The following FTO variants were observed in gnomAD, a reference collection of about 807,000 sequenced individuals.
FTO encodes FTO alpha-ketoglutarate dependent dioxygenase.
In FTO, 47 loss-of-function variants were observed where a neutral mutation model predicts 63.9. The observed-to-expected ratio is 0.74, with a 90% confidence interval of 0.58 to 0.94. FTO has a LOEUF of 0.94. Among genes scored for constraint, FTO ranks in the 40% least tolerant of loss-of-function variants. The probability of loss-of-function intolerance (pLI) is 0.00; values close to 1 mark genes in which losing one functional copy is unlikely to be tolerated. For missense variants in FTO, 562 were observed against 618.1 expected (o/e 0.91, Z 0.96); for synonymous variants, 207 against 224.4 (o/e 0.92, Z 0.69).
chr16:53,839,851 C>G (rs993166743), intron 3 of FTO, among the ~76,000 whole-genome samples: 4 of 151,112 alleles, frequency 2.6e-5, no homozygotes, highest in African/African-American at 9.7e-5. Context: ...TGTCACCAGG[C>G]TGGAGTGCAG....
chr16:53,731,273 G>A (rs776312298), intron 1 of FTO, among the ~76,000 whole-genome samples: 1 of 152,180 alleles, frequency 6.6e-6, no homozygotes, highest in Non-Finnish European at 1.5e-5. Flanking sequence ...GTAGGCTGTG[G>A]TTTAGTGATT....
intron 8 of FTO, among the ~76,000 whole-genome samples, chr16:54,079,981 A>G (rs2086101080): frequency 6.6e-6 from 1 of 152,174 alleles, no homozygotes; most frequent in Admixed American, 6.5e-5. Flanking sequence ...CTGAGCCACC[A>G]TTTTGTCTCC....
chr16:53,708,383 C>T (rs1262041824), intron 1 of FTO, among the ~76,000 whole-genome samples: 1 of 151,862 alleles, frequency 6.6e-6, no homozygotes, highest in Non-Finnish European at 1.5e-5. Flanking sequence ...AAAAAGAATT[C>T]CAGTGTCAGG....
rs182757177 is a variant in FTO, at chr16:53,842,397, A to G, written c.752-1758A>G. On this transcript the variant is annotated intron_variant, in intron 3 of 8. Coordinates refer to ENST00000471389, the MANE Select transcript of FTO (RefSeq NM_001080432.3). ...ATGACCAGTAAATAGTAAGTGCTCA[A>G]TAAATAATTATTAAATTAACTTTTA... Among the ~76,000 whole-genome samples, 493 of 152,356 alleles carry G rather than the reference A, an allele frequency of 3.2e-3. 1 individual carries two copies. Among genetic ancestry groups the G allele is most frequent in the Middle Eastern group, 0.02 (6 of 294 alleles).
chr16:53,910,885 A>G (rs1380965048), intron 7 of FTO, among the ~76,000 whole-genome samples: 1 of 152,196 alleles, frequency 6.6e-6, no homozygotes, highest in Non-Finnish European at 1.5e-5. Flanking sequence ...TCTGGATGAC[A>G]GAGCTGAGAG....
chr16:53,793,244 T>C (rs2077974809), intron 1 of FTO, among the ~76,000 whole-genome samples: 1 of 152,206 alleles, frequency 6.6e-6, no homozygotes, highest in Admixed American at 6.5e-5. Flanking sequence ...CCCAAAGTTT[T>C]ATTTCCGCAA....
At chr16:53,936,823 C>T (rs866775198) in intron 8 of FTO, among the ~76,000 whole-genome samples, 6 of 152,150 alleles carry the variant, frequency 3.9e-5, no homozygotes, top group Non-Finnish European at 8.8e-5. Flanking sequence ...ATGAATTGTA[C>T]AACTTCAAGA....
chr16:53,720,854 G>C (rs2076023912), intron 1 of FTO, among the ~76,000 whole-genome samples: 1 of 151,680 alleles, frequency 6.6e-6, no homozygotes, highest in African/African-American at 2.4e-5. Context: ...CAGTGGCACA[G>C]TCATAACTTA....
intron 1 of FTO, among the ~76,000 whole-genome samples, chr16:53,757,087 T>G (rs994971595): frequency 1.5e-4 from 20 of 131,124 alleles, no homozygotes; most frequent in Admixed American, 3.5e-4. Context: ...ACTGGACCTT[T>G]TTAAAAAAAT....
intron 8 of FTO, among the ~76,000 whole-genome samples, chr16:54,049,780 C>G (rs1183945195): frequency 6.6e-6 from 1 of 152,126 alleles, no homozygotes; most frequent in Non-Finnish European, 1.5e-5. Flanking sequence ...TCTGAGATGC[C>G]CATTCATGGG....
In FTO at chr16:53,826,972, G is replaced by T. The variant is rs772258391; in HGVS notation, c.751+481G>T. The stretch of plus-strand genomic sequence containing the variant: ...TTATGGTTGACATCACTATCTTGAT[G>T]GGTGTGATTTGTCAAATATGGACTT... On this transcript the variant is annotated intron_variant, in intron 3 of 8. Coordinates refer to ENST00000471389, the MANE Select transcript of FTO (RefSeq NM_001080432.3). 2.5e-4 allele frequency among the ~76,000 whole-genome samples: 38 copies of T among 152,174 alleles called. 1 individual carries two copies. Among genetic ancestry groups the T allele is most frequent in the Non-Finnish European group, 5.1e-4 (35 of 68,030 alleles).
At chr16:53,788,031 G>A (rs558096177) in intron 1 of FTO, among the ~76,000 whole-genome samples, 2 of 152,282 alleles carry the variant, frequency 1.3e-5, no homozygotes, top group Non-Finnish European at 2.9e-5. Context: ...GTTTAGAGTA[G>A]CAGGATTGGT....
chr16:53,917,709 AGTGTGT>A (rs35549801), intron 7 of FTO, among the ~76,000 whole-genome samples: 28 of 143,116 alleles, frequency 2.0e-4, no homozygotes, highest in East Asian at 1.0e-3. Flanking sequence ...AAATTGAGTG[AGTGTGT>A]GTGTGTGTGT....
intron 8 of FTO, among the ~76,000 whole-genome samples, chr16:54,042,148 G>A (rs529274064): frequency 2.6e-5 from 4 of 152,032 alleles, no homozygotes; most frequent in South Asian, 4.2e-4. Flanking sequence ...AGCTCCCAGC[G>A]TGAGTGACGC....
intron 3 of FTO, among the ~76,000 whole-genome samples, chr16:53,841,758 G>A (rs945914771): frequency 2.0e-4 from 31 of 152,154 alleles, no homozygotes; most frequent in Non-Finnish European, 1.5e-5. Context: ...TTGTTTATGT[G>A]ATATATACAT....
rs116079239 is a variant in FTO at position 53,787,747 on chromosome 16, G to T, written c.46-22393G>T. 7.1e-3 allele frequency among the ~76,000 whole-genome samples: 1,079 copies of T among 152,168 alleles called. 14 individuals are homozygous for T. The highest frequency in any genetic ancestry group is 0.025 in the African/African-American group (1,035 of 41,516). On this transcript the variant is annotated intron_variant, in intron 1 of 8. Coordinates refer to ENST00000471389, the MANE Select transcript of FTO (RefSeq NM_001080432.3). ...GTAGCATGTCCCTAGTAGACCAGGT[G>T]GGCCAAATGACATTATAGTTAAATC... is the stretch of plus-strand genomic sequence containing the variant.
intron 8 of FTO, among the ~76,000 whole-genome samples, chr16:54,062,472 A>C (rs966077322): frequency 6.6e-6 from 1 of 152,154 alleles, no homozygotes; most frequent in East Asian, 1.9e-4. Flanking sequence ...TCAGTGCCTC[A>C]CCTAAGAGCA....
intron 8 of FTO, among the ~76,000 whole-genome samples, chr16:53,979,864 G>A (rs758878731): frequency 2.0e-5 from 3 of 152,182 alleles, no homozygotes; most frequent in Non-Finnish European, 2.9e-5. Flanking sequence ...CTCCTTGGGT[G>A]CTTGCACCCT....
At chr16:53,901,195 G>A (rs967402473) in intron 7 of FTO, among the ~76,000 whole-genome samples, 19 of 152,316 alleles carry the variant, frequency 1.2e-4, no homozygotes, top group African/African-American at 4.6e-4. Context: ...AATTACAAAT[G>A]AGATTAGGTA....
Sources: allele counts gnomAD v4.1 joint callset (sites outside exome capture counted in the v4.1 genomes callset), GRCh38; gene constraint gnomAD v4.1.1; transcripts MANE v1.5; gene names NCBI Gene and HGNC (gene_info 2026-07-23, HGNC 2026-07-21).